The following MYO9A variants were observed in gnomAD, a reference collection of about 807,000 sequenced individuals.
MYO9A encodes the protein unconventional myosin-IXa.
In MYO9A, 103 loss-of-function variants were observed where a neutral mutation model predicts 293.3. That is an observed-to-expected ratio of 0.35 (90% CI 0.30 to 0.41). MYO9A has a LOEUF of 0.41. Ranked by LOEUF, MYO9A falls within the 10% of genes least tolerant of loss-of-function variation. The pLI is 1.00. For synonymous variants in MYO9A, 1,001 were observed against 1,035.7 expected (o/e 0.97, Z 0.64); for missense variants, 2,685 against 3,033.0 (o/e 0.89, Z 2.69).
At chr15:72,109,097 T>A (rs1034840827) in intron 1 of MYO9A, among the ~76,000 whole-genome samples, 1 of 152,070 alleles carries the variant, frequency 6.6e-6, no homozygotes, top group Admixed American at 6.6e-5. Flanking sequence ...CAAAAATATA[T>A]ACAATCACAG....
chr15:72,057,037 G>A (rs2078740925), intron 1 of MYO9A, among the ~76,000 whole-genome samples: 1 of 152,132 alleles, frequency 6.6e-6, no homozygotes, highest in Non-Finnish European at 1.5e-5. Context: ...AACCTGGGAG[G>A]CGGAGGTTGC....
At chr15:71,975,230 A>C (rs1382594662) in intron 12 of MYO9A, among the ~76,000 whole-genome samples, 3 of 152,042 alleles carry the variant, frequency 2.0e-5, no homozygotes, top group Non-Finnish European at 4.4e-5. Context: ...AGTATGTTTG[A>C]GTTGTATATT....
At chr15:71,840,937 C>T (rs139374490) in intron 39 of MYO9A, among the ~76,000 whole-genome samples, 1,587 of 152,202 alleles carry the variant, frequency 0.01, 13 homozygotes, top group Non-Finnish European at 0.016. Flanking sequence ...AGCCTTAAGG[C>T]TTTCTTTGTA....
chr15:72,033,776 T>C (rs566759160), intron 2 of MYO9A, among the ~76,000 whole-genome samples: 75 of 152,128 alleles, frequency 4.9e-4, no homozygotes, highest in Middle Eastern at 3.4e-3. Context: ...GTAGATTTTA[T>C]TGTAAGTTAT....
rs529597818 is a variant in MYO9A, at chr15:72,083,995, G to T, written c.-72+33685C>A. ...TTGTTTTGGGGTAGAGAGTTCTGTA[G>T]ATGTCTATTAGGTCCATCTGATCCA... is the stretch of plus-strand genomic sequence containing the variant. On this transcript the variant is annotated intron_variant, in intron 1 of 41. Coordinates refer to ENST00000356056, the MANE Select transcript of MYO9A (RefSeq NM_006901.4). 2.6e-5 allele frequency among the ~76,000 whole-genome samples: 4 copies of T among 152,330 alleles called. No individual in the cohort carries two copies. The East Asian group carries it at 7.7e-4, about 29-fold the overall frequency.
rs138908526 is a variant in MYO9A, at chr15:71,949,894, C to G, written c.2302+1883G>C. 7.9e-5 allele frequency among the ~76,000 whole-genome samples: 12 copies of G among 151,912 alleles called. No homozygotes were observed. The East Asian group carries it at 2.1e-3, about 27-fold the overall frequency. ...TCTGAAACTATGCAAGTTAGGAAAC[C>G]CCTTGTATAAAAAGCTACAAATTCA... On this transcript the variant is annotated intron_variant, in intron 15 of 41. Coordinates refer to ENST00000356056, the MANE Select transcript of MYO9A (RefSeq NM_006901.4).
chr15:72,069,509 A>G (rs2079118742), intron 1 of MYO9A, among the ~76,000 whole-genome samples: 1 of 152,200 alleles, frequency 6.6e-6, no homozygotes, highest in Admixed American at 6.5e-5. Context: ...ACAGAGGGTT[A>G]TACTTCACAA....
At chr15:71,924,651 T>G (rs2058243831) in intron 18 of MYO9A, among the ~76,000 whole-genome samples, 1 of 151,956 alleles carries the variant, frequency 6.6e-6, no homozygotes. Context: ...CCAGGCGTGG[T>G]GGCTCACGCC....
chr15:72,040,901 G>T (rs1021659584), intron 2 of MYO9A, among the ~76,000 whole-genome samples: 4 of 152,126 alleles, frequency 2.6e-5, no homozygotes, highest in Non-Finnish European at 4.4e-5. Flanking sequence ...ACCTAGGAAA[G>T]AATTTACAGC....
chr15:72,116,478 T>C (rs1419140010), intron 1 of MYO9A, among the ~76,000 whole-genome samples: 6 of 152,210 alleles, frequency 3.9e-5, no homozygotes, highest in African/African-American at 7.2e-5. Flanking sequence ...ATGACCTCAG[T>C]GAACACTGCA....
chr15:72,034,578 T>C (rs909203440), intron 2 of MYO9A, among the ~76,000 whole-genome samples: 2 of 152,180 alleles, frequency 1.3e-5, no homozygotes, highest in Admixed American at 1.3e-4. Context: ...CCTGAATGCC[T>C]AGAACAGTTT....
chr15:71,980,984 ACTC>A (rs2076257010), intron 11 of MYO9A, among the ~76,000 whole-genome samples: 1 of 152,152 alleles, frequency 6.6e-6, no homozygotes, highest in South Asian at 2.1e-4. Flanking sequence ...ATCATTTTCT[ACTC>A]CTAGTTTAAA....
intron 18 of MYO9A, among the ~76,000 whole-genome samples, chr15:71,927,069 A>C (rs1348270224): frequency 6.6e-6 from 1 of 152,140 alleles, no homozygotes; most frequent in Non-Finnish European, 1.5e-5. Context: ...GCCCATCCTC[A>C]GGCCCTCGGG....
chr15:72,030,436 T>C (rs1248139028), intron 3 of MYO9A, among the ~76,000 whole-genome samples: 2 of 152,198 alleles, frequency 1.3e-5, no homozygotes, highest in African/African-American at 4.8e-5. Context: ...CATTCTAAGA[T>C]GCCAACCACA....
At chr15:72,061,972 A>T (rs764695551) in intron 1 of MYO9A, among the ~76,000 whole-genome samples, 1 of 152,174 alleles carries the variant, frequency 6.6e-6, no homozygotes, top group Non-Finnish European at 1.5e-5. Context: ...CACCTCCCCA[A>T]TTCCAGGCAG....
chr15:71,977,298 G>A (rs1479582402), intron 12 of MYO9A, among the ~76,000 whole-genome samples: 1 of 152,014 alleles, frequency 6.6e-6, no homozygotes, highest in Non-Finnish European at 1.5e-5. Flanking sequence ...GTGCATTGGC[G>A]CCATCTCGGC....
chr15:72,027,527 T>C (rs2077710204), intron 4 of MYO9A, among the ~76,000 whole-genome samples: 1 of 152,200 alleles, frequency 6.6e-6, no homozygotes, highest in Admixed American at 6.5e-5. Context: ...TCTGACAGTT[T>C]GCAATAGTTC....
intron 12 of MYO9A, among the ~76,000 whole-genome samples, chr15:71,971,583 C>CA (rs1404369780): frequency 6.3e-4 from 65 of 103,158 alleles, no homozygotes; most frequent in Admixed American, 1.6e-3. Flanking sequence ...GACACTGTCT[C>CA]AAAAAAAAAG....
At chr15:72,076,363 C>A (rs1399585330) in intron 1 of MYO9A, among the ~76,000 whole-genome samples, 1 of 150,464 alleles carries the variant, frequency 6.6e-6, no homozygotes, top group African/African-American at 2.4e-5. Flanking sequence ...TATGGAGGAT[C>A]CAAAGAAATA....
Sources: allele counts gnomAD v4.1 joint callset (sites outside exome capture counted in the v4.1 genomes callset), GRCh38; gene constraint gnomAD v4.1.1; transcripts MANE v1.5; gene names NCBI Gene and HGNC (gene_info 2026-07-23, HGNC 2026-07-21).